RPS6KA2: variants seen among roughly 807,000 people sequenced by gnomAD.
RPS6KA2 encodes ribosomal protein S6 kinase alpha-2.
RPS6KA2 carries 42 observed loss-of-function variants against 91.8 expected under a neutral mutation model. The ratio of observed to expected loss-of-function variants is 0.46; its 90% CI spans 0.36 to 0.59. The LOEUF (loss-of-function observed/expected upper bound fraction) is 0.59. RPS6KA2 is among the 20% of genes least tolerant of loss of function. The pLI is 0.00. For missense variants in RPS6KA2, 798 were observed against 978.5 expected (o/e 0.82, Z 2.46); for synonymous variants, 414 against 393.6 (o/e 1.05, Z -0.61).
At chr6:166,454,726 G>T (rs1780035691) in intron 12 of RPS6KA2, among the ~76,000 whole-genome samples, 1 of 151,976 alleles carries the variant, frequency 6.6e-6, no homozygotes, top group Non-Finnish European at 1.5e-5. Context: ...CCATCAGAAG[G>T]AGCCACAGTT....
At chr6:166,728,442 C>T (rs974523131) in intron 2 of RPS6KA2, among the ~76,000 whole-genome samples, 12 of 152,188 alleles carry the variant, frequency 7.9e-5, no homozygotes, top group African/African-American at 2.4e-4. Flanking sequence ...AAAAGAGTCA[C>T]CCATGGGTAC....
At position 166,435,981 on chromosome 6, in the gene RPS6KA2, A is replaced by T. The variant is rs1053889689; in HGVS notation, c.1333-3491T>A. On this transcript the variant is annotated intron_variant, in intron 14 of 20. Coordinates refer to ENST00000265678, the MANE Select transcript of RPS6KA2 (RefSeq NM_021135.6). The surrounding 1 kb of genome is among the most constrained non-coding windows in gnomAD (Gnocchi z 4.3). Reference sequence around the variant, plus strand: ...TTGCAGGAGCTCCCTGGGCCTCTCTACACCTAGCTTTCTTCATCTGTAAAA... The same window carrying T: ...TTGCAGGAGCTCCCTGGGCCTCTCTTCACCTAGCTTTCTTCATCTGTAAAA... Among the ~76,000 whole-genome samples, 1 of 152,174 alleles carries T rather than the reference A, an allele frequency of 6.6e-6. No homozygotes were observed. Among genetic ancestry groups the T allele is most frequent in the African/African-American group, 2.4e-5 (1 of 41,438 alleles).
chr6:166,663,886 C>T (rs535943716), intron 2 of RPS6KA2, among the ~76,000 whole-genome samples: 1 of 152,298 alleles, frequency 6.6e-6, no homozygotes, highest in Admixed American at 6.5e-5. Context: ...GGGTAAATGG[C>T]AAGACCTGAG....
At chr6:166,522,625 T>C (rs1353527939) in intron 3 of RPS6KA2, among the ~76,000 whole-genome samples, 1 of 152,240 alleles carries the variant, frequency 6.6e-6, no homozygotes. Context: ...TGCCTGAGAC[T>C]TCCTTTCTTT....
At chr6:166,447,411 T>G (rs1283390170) in intron 14 of RPS6KA2, among the ~76,000 whole-genome samples, 1 of 152,260 alleles carries the variant, frequency 6.6e-6, no homozygotes, top group African/African-American at 2.4e-5. Context: ...TTTCTTTTTT[T>G]GTTTGAGAAA....
rs1554272380 is a variant in RPS6KA2 at position 166,433,012 on chromosome 6, A to AAAG, written c.1333-523_1333-522insCTT. On this transcript the variant is annotated intron_variant, in intron 14 of 20. Coordinates refer to ENST00000265678, the MANE Select transcript of RPS6KA2 (RefSeq NM_021135.6). The surrounding 1 kb of genome is among the most constrained non-coding windows in gnomAD (Gnocchi z 4.4). ...TCTGTCTCAAAAAAAAAAAAAAAAA[A>AAAG]GGAGTACAAGACTTCAGACATGAAT... Among the ~76,000 whole-genome samples the AAAG allele has an allele frequency of 5.3e-5, 8 of 150,470 alleles. No individual in the cohort carries two copies. Among genetic ancestry groups the AAAG allele is most frequent in the African/African-American group, 2.0e-4 (8 of 40,874 alleles).
intron 1 of RPS6KA2, among the ~76,000 whole-genome samples, chr6:166,575,440 A>G (rs552030540): frequency 6.6e-6 from 1 of 152,236 alleles, no homozygotes; most frequent in African/African-American, 2.4e-5. Context: ...AAGGTTGCTC[A>G]TTTCCGGTTC....
chr6:166,574,649 A>G, intron 1 of RPS6KA2, among the ~76,000 whole-genome samples: 1 of 152,314 alleles, frequency 6.6e-6, no homozygotes, highest in Non-Finnish European at 1.5e-5. Context: ...TGGTAGAATG[A>G]TTTATTTTCC....
chr6:166,669,917 A>T (rs995782511), intron 2 of RPS6KA2, among the ~76,000 whole-genome samples: 2 of 152,184 alleles, frequency 1.3e-5, no homozygotes, highest in East Asian at 3.9e-4. Context: ...GGAGGAACCC[A>T]CGTGGGGCCC....
intron 1 of RPS6KA2, among the ~76,000 whole-genome samples, chr6:166,600,653 G>A (rs1255891693): frequency 2.0e-5 from 3 of 150,300 alleles, no homozygotes; most frequent in Non-Finnish European, 3.0e-5. Context: ...AATGGGAGAA[G>A]AAAACACTAA....
In RPS6KA2 at chr6:166,716,529, C is replaced by T. The variant is rs144718004; in HGVS notation, c.123+141671G>A. On this transcript the variant is annotated intron_variant, in intron 2 of 21. Transcript: ENST00000503859. ...AGGACCTGCTGCACAGGTAAAATAC[C>T]GTATTATACTCTTATGGGACCACCT... 1.8e-4 allele frequency among the ~76,000 whole-genome samples: 28 copies of T among 152,246 alleles called. 1 individual carries two copies. The highest frequency in any genetic ancestry group is 6.3e-4 in the African/African-American group (26 of 41,546).
intron 13 of RPS6KA2, among the ~76,000 whole-genome samples, chr6:166,449,927 T>TACCACAGGGACC (rs1270484625): frequency 3.2e-5 from 4 of 124,990 alleles, no homozygotes; most frequent in Admixed American, 8.2e-5. Flanking sequence ...CATGACAGAC[T>TACCACAGGGACC]ACCACAGGGA....
At chr6:166,427,908 T>A (rs1449104066) in intron 16 of RPS6KA2, among the ~76,000 whole-genome samples, 1 of 152,126 alleles carries the variant, frequency 6.6e-6, no homozygotes, top group African/African-American at 2.4e-5. Context: ...GCCATCCCGA[T>A]CAAGCTACCA....
At chr6:166,751,462 A>C (rs1322636196) in intron 2 of RPS6KA2, among the ~76,000 whole-genome samples, 1 of 152,244 alleles carries the variant, frequency 6.6e-6, no homozygotes, top group African/African-American at 2.4e-5. Flanking sequence ...GTAACCCCTC[A>C]GGGGAGGCAA....
chr6:166,543,362 C>A (rs986335125), intron 1 of RPS6KA2, among the ~76,000 whole-genome samples: 1 of 152,168 alleles, frequency 6.6e-6, no homozygotes, highest in Non-Finnish European at 1.5e-5. Flanking sequence ...AGATTCCAGG[C>A]CCTGGGCAAG....
rs141877634 is a variant in RPS6KA2, at chr6:166,417,945, G to A, written c.1938+280C>T. ...TACTAAAAATACAAAAGAGTTAGTC[G>A]GGTGTGGTCGCACACGCCTGTAGTC... On this transcript the variant is annotated intron_variant, in intron 19 of 20. Transcript: ENST00000265678. Among the ~76,000 whole-genome samples, 975 of 151,882 alleles carry A rather than the reference G, an allele frequency of 6.4e-3. 8 individuals carry two copies. Among genetic ancestry groups the A allele is most frequent in the African/African-American group, 0.023 (937 of 41,396 alleles).
intron 1 of RPS6KA2, among the ~76,000 whole-genome samples, chr6:166,580,687 T>G (rs2128515541): frequency 7.0e-6 from 1 of 142,844 alleles, no homozygotes; most frequent in East Asian, 2.5e-4. Flanking sequence ...ACCCCCTCAG[T>G]GGGTCCCCAG....
intron 3 of RPS6KA2, among the ~76,000 whole-genome samples, chr6:166,523,153 G>A (rs1289083595): frequency 2.0e-5 from 3 of 152,214 alleles, no homozygotes; most frequent in Non-Finnish European, 4.4e-5. Flanking sequence ...ACAGAGGCGG[G>A]TGTATCTGTA....
At chr6:166,739,473 A>T (rs886203075) in intron 2 of RPS6KA2, among the ~76,000 whole-genome samples, 1 of 152,230 alleles carries the variant, frequency 6.6e-6, no homozygotes, top group Non-Finnish European at 1.5e-5. Context: ...TCGTCTCTAA[A>T]ATCCGGGCCC....
Sources: gnomAD v4.1 joint callset for allele counts (sites outside exome capture counted in the v4.1 genomes callset) on GRCh38, gnomAD v4.1.1 for gene constraint, Gnocchi (gnomAD v3.1) non-coding constraint, MANE v1.5 for transcripts, NCBI Gene and HGNC (gene_info 2026-07-23, HGNC 2026-07-21) for gene names.